Variants in SERAC1 observed in about 807,000 individuals in gnomAD.
The protein encoded by SERAC1 is serine active site containing 1.
Under a neutral mutation model 85.7 loss-of-function variants are expected in SERAC1, and 36 were observed. The observed-to-expected ratio is 0.42, with a 90% CI of 0.32 to 0.55. SERAC1 has a LOEUF of 0.55. Among genes scored for constraint, SERAC1 ranks in the 20% least tolerant of loss-of-function variants. The probability of loss-of-function intolerance (pLI) is 0.11; values close to 1 mark genes in which losing one functional copy is unlikely to be tolerated. For missense variants in SERAC1, 629 were observed against 796.2 expected (o/e 0.79, Z 2.53); for synonymous variants, 242 against 265.3 (o/e 0.91, Z 0.85).
intron 14 of SERAC1, 121 bp from the exon 15 acceptor site, chr6:158,115,092 T>A: frequency 1.0e-5 from 11 of 1,078,820 alleles, no homozygotes; most frequent in Non-Finnish European, 1.5e-5. Flanking sequence ...TTAAAAAAAA[T>A]GGTTTAAACA....
chr6:158,122,863 A>G (rs1381543196), intron 10 of SERAC1, among the ~76,000 whole-genome samples: 1 of 152,218 alleles, frequency 6.6e-6, no homozygotes, highest in Non-Finnish European at 1.5e-5. Context: ...GTACTTCAGC[A>G]GTATGTCTTG....
At chr6:158,131,375 ATATAT>A (rs1484220536) in intron 8 of SERAC1, among the ~76,000 whole-genome samples, 3 of 147,102 alleles carry the variant, frequency 2.0e-5, no homozygotes, top group Admixed American at 6.8e-5. Context: ...ATTTATATCT[ATATAT>A]TATATATGTA....
intron 1 of SERAC1, among the ~76,000 whole-genome samples, chr6:158,165,552 G>A (rs1028819437): frequency 6.6e-6 from 1 of 152,124 alleles, no homozygotes; most frequent in African/African-American, 2.4e-5. Context: ...TTTCCACTTG[G>A]ATGTCCAACA....
chr6:158,158,116 G>A (rs960088407), intron 2 of SERAC1, among the ~76,000 whole-genome samples, 157 bp downstream of exon 2: 2 of 152,046 alleles, frequency 1.3e-5, no homozygotes, highest in African/African-American at 4.8e-5. Context: ...TATGGCTCTG[G>A]GCCTATAAAT....
intron 14 of SERAC1, 73 bp from the exon 15 acceptor site, chr6:158,115,044 G>A (rs541158575): frequency 1.2e-4 from 174 of 1,450,952 alleles, no homozygotes; most frequent in Non-Finnish European, 1.5e-4. Flanking sequence ...AAAAAGAAAA[G>A]GCCAAACAAG....
intron 3 of SERAC1, among the ~76,000 whole-genome samples, chr6:158,154,984 A>C (rs1267423600): frequency 6.6e-6 from 1 of 151,912 alleles, no homozygotes; most frequent in Non-Finnish European, 1.5e-5. Flanking sequence ...TGCCCAATTT[A>C]AGCCTGCCGG....
At chr6:158,155,043 G>C (rs189799890) in intron 3 of SERAC1, among the ~76,000 whole-genome samples, 41 of 151,904 alleles carry the variant, frequency 2.7e-4, no homozygotes, top group African/African-American at 9.1e-4. Context: ...GTGAGTGCCT[G>C]ATTTAAGTGT....
intron 8 of SERAC1, among the ~76,000 whole-genome samples, chr6:158,136,680 A>AACAGCACACTGAC (rs989906826): frequency 1.6e-4 from 24 of 152,196 alleles, no homozygotes; most frequent in Non-Finnish European, 3.1e-4. Flanking sequence ...TTTATATAGA[A>AACAGCACACTGAC]ACAGCACACT....
At chr6:158,123,442 T>C (rs555180775) in intron 10 of SERAC1, among the ~76,000 whole-genome samples, 1 of 152,286 alleles carries the variant, frequency 6.6e-6, no homozygotes, top group South Asian at 2.1e-4. Context: ...AAATTCCTTT[T>C]AGGGCTTCAA....
intron 4 of SERAC1, among the ~76,000 whole-genome samples, 200 bp downstream of exon 4, chr6:158,150,253 G>A (rs181849079): frequency 1.3e-3 from 195 of 152,282 alleles, no homozygotes; most frequent in African/African-American, 4.5e-3. Context: ...AATTTTAGGA[G>A]AGTTGCAAAC....
intron 1 of SERAC1, among the ~76,000 whole-genome samples, chr6:158,162,764 T>G (rs1335398156): frequency 6.6e-6 from 1 of 152,228 alleles, no homozygotes; most frequent in Non-Finnish European, 1.5e-5. Context: ...CTTTTATTTC[T>G]AAAACTTCCA....
rs879487788 is a variant in SERAC1, at chr6:158,148,881, C to T, written c.339G>A (p.Leu113=). 4 of 1,610,984 alleles carry T rather than the reference C, an allele frequency of 2.5e-6. No individual in the cohort carries two copies. Among genetic ancestry groups the T allele is most frequent in the Non-Finnish European group, 3.4e-6 (4 of 1,178,574 alleles). Residue 113 remains leucine, a synonymous_variant, in exon 5 of 17, where the codon CTG becomes CTA. Coordinates refer to ENST00000647468, the MANE Select transcript of SERAC1 (RefSeq NM_032861.4). ...GATATTTACCAGCAAATGGATTCCG[C>T]AGTATCTTGGCTGATGTTGCCAATA... ...RKVLATSAKI[L]RNPFADPFST... is the part of the protein sequence containing the mutation.
chr6:158,154,603 T>C (rs1476875197), intron 3 of SERAC1, among the ~76,000 whole-genome samples: 1 of 152,146 alleles, frequency 6.6e-6, no homozygotes, highest in African/African-American at 2.4e-5. Context: ...TAAAAGAGTA[T>C]GAAAAATAAC....
intron 1 of SERAC1, chr6:158,161,355 C>T (rs546256584): frequency 7.3e-5 from 11 of 150,040 alleles, no homozygotes; most frequent in African/African-American, 2.7e-4. Flanking sequence ...ACACTTTAGC[C>T]TGGGAGACAG....
At position 158,110,342 on chromosome 6, in the gene SERAC1, T is replaced by C. The variant is rs1784115534; in HGVS notation, c.*1024A>G. On this transcript the variant is annotated 3_prime_UTR_variant, in exon 17 of 17. Coordinates refer to ENST00000647468, the MANE Select transcript of SERAC1 (RefSeq NM_032861.4). Reference sequence around the variant, plus strand: ...TTGAGGTTACAATGAGCTATGATCATGCCACTGCACTCCAGCTTGGGCAAC... The same window carrying C: ...TTGAGGTTACAATGAGCTATGATCACGCCACTGCACTCCAGCTTGGGCAAC... 1.3e-5 allele frequency: 2 copies of C among 152,208 alleles called. No individual in the cohort carries two copies. Among genetic ancestry groups the C allele is most frequent in the African/African-American group, 4.8e-5 (2 of 41,428 alleles). 9.4% of individuals were successfully genotyped at this position (152,208 alleles called of 1,614,324 possible).
intron 3 of SERAC1, among the ~76,000 whole-genome samples, chr6:158,153,378 C>T (rs1467914328): frequency 2.6e-5 from 4 of 152,030 alleles, no homozygotes; most frequent in Non-Finnish European, 4.4e-5. Context: ...GTATTGAGAA[C>T]GTTTCTAGTT....
At chr6:158,130,796 G>A (rs1386120901) in intron 8 of SERAC1, among the ~76,000 whole-genome samples, 2 of 152,182 alleles carry the variant, frequency 1.3e-5, no homozygotes, top group Non-Finnish European at 2.9e-5. Context: ...GGATGTTCTA[G>A]TGTCATCTCT....
chr6:158,138,558 C>T (rs894112891), intron 8 of SERAC1, among the ~76,000 whole-genome samples: 5 of 151,204 alleles, frequency 3.3e-5, no homozygotes, highest in Non-Finnish European at 7.4e-5. Flanking sequence ...TAAATAGTAA[C>T]GTCAGGCCAG....
intron 8 of SERAC1, among the ~76,000 whole-genome samples, chr6:158,141,564 A>G (rs1221278441): frequency 6.6e-6 from 1 of 152,222 alleles, no homozygotes; most frequent in Non-Finnish European, 1.5e-5. Flanking sequence ...CTCTACCTTC[A>G]TGAAGAACTA....
Sources: gnomAD v4.1 joint callset for allele counts (sites outside exome capture counted in the v4.1 genomes callset) on GRCh38, gnomAD v4.1.1 for gene constraint, MANE v1.5 for transcripts, NCBI Gene and HGNC (gene_info 2026-07-23, HGNC 2026-07-21) for gene names.